Variants in LPP observed in about 807,000 individuals in gnomAD.
The protein encoded by LPP is LIM domain containing preferred translocation partner in lipoma, also known as lipoma-preferred partner.
Under a neutral mutation model 60.4 loss-of-function variants are expected in LPP, and 38 were observed. The ratio of observed to expected loss-of-function variants is 0.63; its 90% CI spans 0.49 to 0.83. The LOEUF (loss-of-function observed/expected upper bound fraction) is 0.83, where lower values mean the gene tolerates loss of function less well. Ranked by LOEUF, LPP falls within the 40% of genes least tolerant of loss-of-function variation. LPP has a pLI of 0.00. For missense variants in LPP, 902 were observed against 783.6 expected, an observed-to-expected ratio of 1.15 and a Z score of -1.80; for synonymous variants, 328 against 290.8, an observed-to-expected ratio of 1.13 and a Z score of -1.30.
intron 9 of LPP, among the ~76,000 whole-genome samples, chr3:188,807,043 A>G (rs912172561): frequency 1.3e-5 from 2 of 151,568 alleles, no homozygotes; most frequent in East Asian, 2.0e-4. Context: ...GCTCCCTTCA[A>G]TATTTCTTCA....
At chr3:188,272,924 G>A (rs1047511325) in intron 2 of LPP, among the ~76,000 whole-genome samples, 5 of 152,148 alleles carry the variant, frequency 3.3e-5, no homozygotes, top group African/African-American at 1.2e-4. Context: ...GTTAGACCCT[G>A]CTAATGGGTC....
chr3:188,408,591 C>T (rs1466329071), intron 4 of LPP, among the ~76,000 whole-genome samples: 1 of 152,138 alleles, frequency 6.6e-6, no homozygotes, highest in Non-Finnish European at 1.5e-5. Context: ...TTAATCGCTC[C>T]CTTTCCCGAG....
chr3:188,854,432 G>T (rs1350137405), intron 9 of LPP, among the ~76,000 whole-genome samples: 1 of 151,910 alleles, frequency 6.6e-6, no homozygotes, highest in Non-Finnish European at 1.5e-5. Context: ...ATACACATCA[G>T]CAGTGCCCTC....
At chr3:188,376,127 A>G (rs955170643) in intron 3 of LPP, among the ~76,000 whole-genome samples, 2 of 152,154 alleles carry the variant, frequency 1.3e-5, no homozygotes, top group African/African-American at 2.4e-5. Context: ...ACTTCCAACT[A>G]TGTGGTCAAT....
At chr3:188,479,144 C>T (rs559598365) in intron 4 of LPP, among the ~76,000 whole-genome samples, 5 of 152,088 alleles carry the variant, frequency 3.3e-5, no homozygotes, top group South Asian at 2.1e-4. Context: ...TGTGTGTGTG[C>T]GTGTGTGTGT....
intron 9 of LPP, among the ~76,000 whole-genome samples, chr3:188,812,301 G>T (rs1187281970): frequency 1.3e-5 from 2 of 152,128 alleles, no homozygotes; most frequent in Non-Finnish European, 2.9e-5. Context: ...ATTGGTGCTT[G>T]CAGTGCCAGT....
chr3:188,500,405 A>G (rs1811486420), intron 5 of LPP, among the ~76,000 whole-genome samples: 3 of 152,226 alleles, frequency 2.0e-5, no homozygotes, highest in South Asian at 2.1e-4. Flanking sequence ...TTTGTTGAGT[A>G]TCCGTTCGTT....
intron 2 of LPP, among the ~76,000 whole-genome samples, chr3:188,250,776 T>TTCTGTCTG (rs1480360616): frequency 2.6e-3 from 311 of 121,822 alleles, no homozygotes; most frequent in South Asian, 6.7e-3. Flanking sequence ...CTTTCTTTCT[T>TTCTGTCTG]TCTTTCTTTC....
At chr3:188,586,655 C>T (rs1397474507) in intron 6 of LPP, among the ~76,000 whole-genome samples, 4 of 151,852 alleles carry the variant, frequency 2.6e-5, no homozygotes, top group African/African-American at 9.7e-5. Context: ...GAATGCTGAG[C>T]AGTGTAATAT....
intron 7 of LPP, among the ~76,000 whole-genome samples, chr3:188,680,994 C>CTTTT (rs11307025): frequency 2.2e-4 from 28 of 129,108 alleles, no homozygotes; most frequent in African/African-American, 6.6e-4. Flanking sequence ...GGTGCATTTC[C>CTTTT]TTTTTTTTTT....
intron 2 of LPP, among the ~76,000 whole-genome samples, chr3:188,256,656 A>G (rs538061225): frequency 7.2e-5 from 11 of 152,332 alleles, no homozygotes; most frequent in African/African-American, 1.2e-4. Context: ...AATTACGTAT[A>G]GCAACATCAA....
chr3:188,838,848 T>TG (rs1444706111), intron 9 of LPP, among the ~76,000 whole-genome samples: 1 of 151,774 alleles, frequency 6.6e-6, no homozygotes, highest in Non-Finnish European at 1.5e-5. Context: ...ACATACTGGG[T>TG]GGGGCCTGTC....
At chr3:188,276,273 T>C (rs922060741) in intron 2 of LPP, among the ~76,000 whole-genome samples, 2 of 152,190 alleles carry the variant, frequency 1.3e-5, no homozygotes, top group South Asian at 4.2e-4. Flanking sequence ...CTCTTTGTTG[T>C]GTCTGCTGTG....
At chr3:188,592,546 G>GTTTTTTTTTTTTT (rs1553936323) in intron 6 of LPP, among the ~76,000 whole-genome samples, 3 of 98,374 alleles carry the variant, frequency 3.0e-5, no homozygotes, top group African/African-American at 6.9e-5. Context: ...ACTGTTTTTA[G>GTTTTTTTTTTTTT]TTTTGTTTTT....
chr3:188,559,302 G>C (rs1056977315), intron 6 of LPP, among the ~76,000 whole-genome samples: 26 of 151,938 alleles, frequency 1.7e-4, no homozygotes, highest in African/African-American at 5.6e-4. Context: ...ATTGCATAAG[G>C]CTGCTCAATG....
chr3:188,803,057 T>C (rs2151185949), intron 9 of LPP, among the ~76,000 whole-genome samples: 1 of 150,662 alleles, frequency 6.6e-6, no homozygotes, highest in African/African-American at 2.4e-5. Flanking sequence ...TTTTTTTTTT[T>C]TTTTTGAGAC....
intron 9 of LPP, among the ~76,000 whole-genome samples, chr3:188,796,466 T>C (rs1308733836): frequency 5.9e-5 from 9 of 152,142 alleles, no homozygotes; most frequent in Non-Finnish European, 1.2e-4. Flanking sequence ...TCCTGAAAGG[T>C]CTTTGGCAAT....
chr3:188,698,524 A>C (rs1863752237), intron 7 of LPP, among the ~76,000 whole-genome samples: 1 of 149,122 alleles, frequency 6.7e-6, no homozygotes, highest in Non-Finnish European at 1.5e-5. Context: ...GAGGGCCCGC[A>C]TGGAGGTTTA....
At chr3:188,501,244 T>G (rs1228969102) in intron 5 of LPP, among the ~76,000 whole-genome samples, 1 of 152,204 alleles carries the variant, frequency 6.6e-6, no homozygotes, top group Non-Finnish European at 1.5e-5. Context: ...TTTGGTATGT[T>G]TTCTTTCATG....
Sources: allele counts gnomAD v4.1 joint callset (sites outside exome capture counted in the v4.1 genomes callset), GRCh38; gene constraint gnomAD v4.1.1; transcripts MANE v1.5; gene names NCBI Gene and HGNC (gene_info 2026-07-23, HGNC 2026-07-21).